DOP1B: variants seen among roughly 807,000 people sequenced by gnomAD.
The protein encoded by DOP1B is DOP1 leucine zipper like protein B.
DOP1B carries 174 observed loss-of-function variants against 233.5 expected under a neutral mutation model. That is an observed-to-expected ratio of 0.75 (90% CI 0.66 to 0.85). The LOEUF is 0.85. Among genes scored for constraint, DOP1B ranks in the 40% least tolerant of loss-of-function variants. The pLI is 0.00. For synonymous variants in DOP1B, 1,190 were observed against 1,185.6 expected, an observed-to-expected ratio of 1.00 and a Z score of -0.08; for missense variants, 2,652 against 2,846.6, an observed-to-expected ratio of 0.93 and a Z score of 1.56.
intron 21 of DOP1B, among the ~76,000 whole-genome samples, chr21:36,250,104 T>C (rs916141544): frequency 6.6e-6 from 1 of 152,016 alleles, no homozygotes; most frequent in Non-Finnish European, 1.5e-5. Context: ...AGGCCGATGC[T>C]CATTAGGCAC....
At chr21:36,208,129 C>T (rs1008046881) in intron 4 of DOP1B, among the ~76,000 whole-genome samples, 2 of 152,212 alleles carry the variant, frequency 1.3e-5, no homozygotes, top group African/African-American at 4.8e-5. Flanking sequence ...GTGCTGTGGG[C>T]AGACTGAAAG....
At chr21:36,292,296 AC>A in intron 36 of DOP1B, 63 bp downstream of exon 36, 1 of 1,395,032 alleles carries the variant, frequency 7.2e-7, no homozygotes, top group Non-Finnish European at 9.5e-7. Context: ...TCACTCGGCC[AC>A]CCAGGTTAGA....
chr21:36,288,696 A>C, intron 33 of DOP1B, 60 bp from the exon 34 acceptor site: 1 of 1,293,740 alleles, frequency 7.7e-7, no homozygotes, highest in Non-Finnish European at 1.1e-6. Flanking sequence ...TAAGTAAAAA[A>C]AAATATTTGG....
In DOP1B at chr21:36,164,795, T is replaced by C; in HGVS notation, c.62T>C (p.Ile21Thr). The change falls in exon 2 of 37, where the codon ATT becomes ACT. Residue 21 changes from isoleucine (I) to threonine (T), a missense_variant. By Grantham distance (89) the Ile-to-Thr change is moderately conservative. Coordinates refer to ENST00000691173, the MANE Select transcript of DOP1B (RefSeq NM_001320714.2). ...AGATACAGAAGCTACTCTTCAGTGATTGAAAAGGCTTTGAGAAATTTTGAG... is the reference window on the plus strand; with the variant it reads ...AGATACAGAAGCTACTCTTCAGTGACTGAAAAGGCTTTGAGAAATTTTGAG... ...DYRYRSYSSV[I>T]EKALRNFESS... 6.2e-7 allele frequency: 1 copy of C among 1,612,642 alleles called. No individual in the cohort carries two copies. The highest frequency in any genetic ancestry group is 8.5e-7 in the Non-Finnish European group (1 of 1,179,412).
intron 10 of DOP1B, among the ~76,000 whole-genome samples, chr21:36,219,853 G>A (rs1209518146): frequency 6.6e-6 from 1 of 151,354 alleles, no homozygotes; most frequent in Non-Finnish European, 1.5e-5. Flanking sequence ...GAGTTACAGG[G>A]CAGAGAGAAC....
At chr21:36,261,100 C>T (rs975964890) in intron 24 of DOP1B, 1 of 1,006,344 alleles carries the variant, frequency 9.9e-7, no homozygotes. Flanking sequence ...CGCGGTGGCT[C>T]ACACCTGCAA....
intron 4 of DOP1B, among the ~76,000 whole-genome samples, chr21:36,207,693 A>G (rs2066445470): frequency 6.6e-6 from 1 of 152,032 alleles, no homozygotes; most frequent in Non-Finnish European, 1.5e-5. Flanking sequence ...AGCTCTGTGA[A>G]CCAACACATT....
chr21:36,267,378 A>G (rs2067241729), intron 26 of DOP1B, among the ~76,000 whole-genome samples: 1 of 152,222 alleles, frequency 6.6e-6, no homozygotes, highest in Non-Finnish European at 1.5e-5. Context: ...TGGTTTTTTC[A>G]TCAGCGTGCT....
chr21:36,211,316 G>C (rs950183637), intron 5 of DOP1B, among the ~76,000 whole-genome samples: 2 of 152,132 alleles, frequency 1.3e-5, no homozygotes, highest in South Asian at 2.1e-4. Context: ...CCGGCCATCT[G>C]GTCCAAACCC....
chr21:36,167,714 C>G (rs996975624), intron 2 of DOP1B, among the ~76,000 whole-genome samples: 3 of 151,346 alleles, frequency 2.0e-5, no homozygotes, highest in Non-Finnish European at 4.4e-5. Context: ...ATTCCTCCCT[C>G]CCCCCAGCCC....
chr21:36,227,915 A>C, intron 13 of DOP1B, 38 bp downstream of exon 13: 1 of 1,514,484 alleles, frequency 6.6e-7, no homozygotes, highest in Non-Finnish European at 8.9e-7. Context: ...TCTGGGGGCT[A>C]AAAGCAGCTT....
rs138558529 is a variant in DOP1B, at chr21:36,246,628, G to A, written c.4648G>A (p.Asp1550Asn). The change falls in exon 19 of 37, where the codon GAT (aspartate) becomes AAT (asparagine). Residue 1550 changes from aspartate to asparagine, a missense_variant. Around this residue, in one of 3 missense-constraint regions of DOP1B, gnomAD observed 2,617 missense variants for 2,794.3 expected, o/e 0.94. Coordinates refer to ENST00000691173, the MANE Select transcript of DOP1B (RefSeq NM_001320714.2). This position sits in a 1 kb window ranked among gnomAD's most constrained non-coding sequence, Gnocchi z 5.1. ...TGTTGTCCAGATTTGCAAAAACTTG[G>A]ATGACTTGGTCAAGCAGTATGAAAG... ...PFVVQICKNLDDLVKQYESES... is the reference protein window; with the variant it reads ...PFVVQICKNLNDLVKQYESES... 1.3e-4 allele frequency: 216 copies of A among 1,613,942 alleles called. 2 individuals carry two copies. Among genetic ancestry groups the A allele is most frequent in the Middle Eastern group, 9.9e-4 (6 of 6,082 alleles).
chr21:36,202,299 A>G (rs1217637653), intron 4 of DOP1B, among the ~76,000 whole-genome samples: 1 of 152,220 alleles, frequency 6.6e-6, no homozygotes, highest in Admixed American at 6.5e-5. Flanking sequence ...CTCTTCTGAG[A>G]GATGCCACAG....
intron 2 of DOP1B, chr21:36,169,161 T>C: frequency 1.0e-6 from 1 of 999,258 alleles, no homozygotes; most frequent in Non-Finnish European, 1.6e-6. Flanking sequence ...ACTCGCTTCT[T>C]GGTTCCCACC....
intron 18 of DOP1B, among the ~76,000 whole-genome samples, chr21:36,244,588 C>G (rs981500014): frequency 4.6e-5 from 7 of 152,028 alleles, no homozygotes; most frequent in African/African-American, 1.7e-4. Flanking sequence ...CCACGCCCAG[C>G]TAACTTTTTG....
At chr21:36,238,340 C>T (rs1047959697) in intron 16 of DOP1B, among the ~76,000 whole-genome samples, 1 of 152,184 alleles carries the variant, frequency 6.6e-6, no homozygotes, top group Non-Finnish European at 1.5e-5. Context: ...CCTTTGGCTG[C>T]AGACCACAGG....
intron 14 of DOP1B, among the ~76,000 whole-genome samples, chr21:36,231,899 G>A (rs957530384): frequency 1.3e-5 from 2 of 148,604 alleles, no homozygotes; most frequent in African/African-American, 2.5e-5. Context: ...AGGCTGGAGT[G>A]CAGTGGCGCG....
At chr21:36,176,420 C>T (rs1482251115) in intron 2 of DOP1B, among the ~76,000 whole-genome samples, 1 of 152,140 alleles carries the variant, frequency 6.6e-6, no homozygotes, top group Non-Finnish European at 1.5e-5. Context: ...CTGCATCTTT[C>T]AGCCTGCAGG....
At chr21:36,195,792 A>C (rs2066284621) in intron 2 of DOP1B, among the ~76,000 whole-genome samples, 1 of 152,252 alleles carries the variant, frequency 6.6e-6, no homozygotes, top group Non-Finnish European at 1.5e-5. Flanking sequence ...GCACAGTAAC[A>C]AACAATCCTC....
Sources: gnomAD v4.1 joint callset for allele counts (sites outside exome capture counted in the v4.1 genomes callset) on GRCh38, gnomAD v4.1.1 for gene constraint, gnomAD v4.1.1 regional missense constraint, Gnocchi (gnomAD v3.1) non-coding constraint, MANE v1.5 for transcripts, NCBI Gene and HGNC (gene_info 2026-07-23, HGNC 2026-07-21) for gene names.